The following AFAP1 variants were observed in gnomAD, a reference collection of about 807,000 sequenced individuals.
AFAP1 encodes the protein actin filament associated protein 1, also known as actin filament-associated protein 1.
A neutral mutation model predicts 93.9 loss-of-function variants in AFAP1; 75 were observed. That is an observed-to-expected ratio of 0.80 (90% CI 0.66 to 0.97). The LOEUF is 0.97. AFAP1 is among the 50% of genes least tolerant of loss of function. AFAP1 has a pLI of 0.00. For synonymous variants in AFAP1, 517 were observed against 430.7 expected (o/e 1.20, Z -2.48); for missense variants, 1,201 against 1,050.8 (o/e 1.14, Z -1.98).
At chr4:7,838,826 G>A (rs970714256) in intron 5 of AFAP1, 123 bp from the exon 6 acceptor site, 7 of 975,424 alleles carry the variant, frequency 7.2e-6, no homozygotes, top group Non-Finnish European at 1.1e-5. Context: ...ATCTGCAGAT[G>A]AGCAGGTTCA....
intron 1 of AFAP1, among the ~76,000 whole-genome samples, chr4:7,904,151 A>C (rs956074821): frequency 1.3e-5 from 2 of 152,134 alleles, no homozygotes; most frequent in Admixed American, 1.3e-4. Context: ...AAATCAAGAC[A>C]AGCTGTCCCT....
chr4:7,840,555 G>A (rs1289552281), intron 5 of AFAP1, among the ~76,000 whole-genome samples: 5 of 151,982 alleles, frequency 3.3e-5, no homozygotes, highest in African/African-American at 2.4e-5. Flanking sequence ...TTCATGATCC[G>A]CCCGCCTCAG....
At chr4:7,814,472 T>C (rs762556800) in intron 8 of AFAP1, among the ~76,000 whole-genome samples, 1 of 152,174 alleles carries the variant, frequency 6.6e-6, no homozygotes, top group African/African-American at 2.4e-5. Context: ...TGTCTCTGAA[T>C]GCACAGAACA....
At chr4:7,845,653 T>C (rs1036241258) in intron 4 of AFAP1, among the ~76,000 whole-genome samples, 2 of 151,956 alleles carry the variant, frequency 1.3e-5, no homozygotes, top group African/African-American at 4.8e-5. Flanking sequence ...CTGCTTCACA[T>C]CACCCTCCGC....
intron 5 of AFAP1, among the ~76,000 whole-genome samples, chr4:7,841,434 G>C (rs1324738240): frequency 2.6e-5 from 4 of 152,212 alleles, no homozygotes; most frequent in Admixed American, 2.6e-4. Context: ...TCCTGAAGCG[G>C]GAATCTAGGT....
At chr4:7,905,890 C>T (rs904794867) in intron 1 of AFAP1, among the ~76,000 whole-genome samples, 4 of 152,190 alleles carry the variant, frequency 2.6e-5, no homozygotes, top group Non-Finnish European at 1.5e-5. Context: ...TGGAGGCAGG[C>T]ATAAGGGGGC....
chr4:7,919,048 C>T (rs1367425481), intron 1 of AFAP1, among the ~76,000 whole-genome samples: 23 of 147,870 alleles, frequency 1.6e-4, no homozygotes, highest in African/African-American at 4.4e-4. Context: ...AACAGGGCTG[C>T]CGGAAGAGAC....
chr4:7,763,645 G>A lies in AFAP1; in HGVS notation c.*120C>T, dbSNP rs775189522. 1.1e-4 allele frequency: 134 copies of A among 1,233,322 alleles called. No homozygotes were observed. The highest frequency in any genetic ancestry group is 1.4e-4 in the Non-Finnish European group (120 of 865,434). 76.4% of individuals were successfully genotyped at this position (1,233,322 alleles called of 1,614,324 possible). On this transcript the variant is annotated 3_prime_UTR_variant, in exon 18 of 18. Transcript: ENST00000420658. The stretch of plus-strand genomic sequence containing the variant: ...CAGGCACTGGCCTCAGAGCTCAGTC[G>A]TGGAGCCTCTGGAGTCGTGCAGCTG...
intron 3 of AFAP1, among the ~76,000 whole-genome samples, chr4:7,867,521 T>C (rs1716561974): frequency 6.6e-6 from 1 of 152,210 alleles, no homozygotes; most frequent in Non-Finnish European, 1.5e-5. Context: ...CATGCTTGCA[T>C]CTGATTTGCT....
chr4:7,772,944 T>C lies in AFAP1; in HGVS notation c.2129A>G (p.Glu710Gly). 6.2e-7 allele frequency: 1 copy of C among 1,613,752 alleles called. No individual in the cohort carries two copies. Among genetic ancestry groups the C allele is most frequent in the East Asian group, 2.2e-5 (1 of 44,886 alleles). The change falls in exon 16 of 18, where the codon GAG (glutamate) becomes GGG (glycine). Residue 710 changes from glutamate (E) to glycine (G), a missense_variant. Coordinates refer to ENST00000420658, the MANE Select transcript of AFAP1 (RefSeq NM_001134647.2). Reference sequence around the variant, plus strand: ...CAGCTCCAGGCTGACACGCTCCGCCTCCTTCTGCCGGCACTCCTCCTCCAG... The same window carrying C: ...CAGCTCCAGGCTGACACGCTCCGCCCCCTTCTGCCGGCACTCCTCCTCCAG... The part of the protein sequence containing the change: ...KQLEEECRQK[E>G]AERVSLELEL...
intron 1 of AFAP1, among the ~76,000 whole-genome samples, chr4:7,937,471 C>T (rs1721455590): frequency 1.3e-5 from 2 of 152,158 alleles, no homozygotes; most frequent in Non-Finnish European, 2.9e-5. Flanking sequence ...CAGAGCCGGA[C>T]GTAGACCCAG....
Position 7,800,486 on chromosome 4 carries a change from T to C in AFAP1, c.1222A>G (p.Thr408Ala). The change falls in exon 10 of 18, where the codon ACG (threonine) becomes GCG (alanine). Residue 408 changes from threonine (T) to alanine (A), a missense_variant. Thr to Ala is a moderately conservative substitution (Grantham distance 58). Transcript: ENST00000420658. Reference protein sequence around the residue: ...IPGLDSKHPLTFRLLRNGQEV... With the variant: ...IPGLDSKHPLAFRLLRNGQEV... Reference sequence around the variant, plus strand: ...TGGCCGTTGCGCAGCAGCCGGAACGTCAGAGGATGTTTAGAATCCAAACCC... The same window carrying C: ...TGGCCGTTGCGCAGCAGCCGGAACGCCAGAGGATGTTTAGAATCCAAACCC... 6.2e-7 allele frequency: 1 copy of C among 1,614,160 alleles called. No homozygotes were observed. The highest frequency in any genetic ancestry group is 8.5e-7 in the Non-Finnish European group (1 of 1,180,018).
At chr4:7,771,797 C>A (rs954410354) in intron 16 of AFAP1, among the ~76,000 whole-genome samples, 1 of 151,972 alleles carries the variant, frequency 6.6e-6, no homozygotes, top group East Asian at 1.9e-4. Context: ...GCTCTGCAGG[C>A]GGGAGGGAGG....
At chr4:7,851,096 G>A (rs545031891) in intron 4 of AFAP1, among the ~76,000 whole-genome samples, 4 of 152,344 alleles carry the variant, frequency 2.6e-5, no homozygotes, top group South Asian at 2.1e-4. Context: ...CAGGCAAGGC[G>A]AGGGTGGACC....
intron 12 of AFAP1, among the ~76,000 whole-genome samples, chr4:7,785,044 C>T (rs1398410332): frequency 6.6e-6 from 1 of 152,158 alleles, no homozygotes; most frequent in Admixed American, 6.5e-5. Context: ...ATGCCAATTT[C>T]AAACCCTCCC....
intron 1 of AFAP1, among the ~76,000 whole-genome samples, chr4:7,909,566 C>G (rs568015719): frequency 6.6e-6 from 1 of 152,152 alleles, no homozygotes; most frequent in Non-Finnish European, 1.5e-5. Context: ...ATATACTTCA[C>G]GGCAGGTAGT....
intron 1 of AFAP1, among the ~76,000 whole-genome samples, chr4:7,886,854 G>A (rs774620147): frequency 5.9e-5 from 9 of 152,110 alleles, no homozygotes; most frequent in Non-Finnish European, 1.3e-4. Context: ...ATATGATATC[G>A]AAAGCACAGT....
chr4:7,931,258 G>A (rs1376851541), intron 1 of AFAP1, among the ~76,000 whole-genome samples: 1 of 152,144 alleles, frequency 6.6e-6, no homozygotes, highest in Non-Finnish European at 1.5e-5. Context: ...GAATTGCTGG[G>A]TTTTGTTCTA....
In AFAP1 at chr4:7,838,587, C is replaced by T. The variant is rs1712590926; in HGVS notation, c.663G>A (p.Gln221=). The part of the protein sequence containing the change: ...KKKKHELKIT[Q]QGTDPLVLAV... ...CGAGAACAAGCGGGTCCGTGCCCTG[C>T]TGAGTAATCTTCAGCTCGTGCTTCT... The change falls in exon 6 of 18, where the codon CAG becomes CAA. Residue 221 remains glutamine, a synonymous_variant. Coordinates refer to ENST00000420658, the MANE Select transcript of AFAP1 (RefSeq NM_001134647.2). The T allele has an allele frequency of 1.9e-6, 3 of 1,614,168 alleles. No individual in the cohort carries two copies. Among genetic ancestry groups the T allele is most frequent in the African/African-American group, 1.3e-5 (1 of 75,042 alleles).
Sources: allele counts gnomAD v4.1 joint callset (sites outside exome capture counted in the v4.1 genomes callset), GRCh38; gene constraint gnomAD v4.1.1; transcripts MANE v1.5; gene names NCBI Gene and HGNC (gene_info 2026-07-23, HGNC 2026-07-21).